Variants in ZNF362 observed in about 807,000 individuals in gnomAD.
ZNF362 encodes the protein rotund homolog.
ZNF362 carries 11 observed loss-of-function variants against 42.9 expected under a neutral mutation model. That is an observed-to-expected ratio of 0.26 (90% CI 0.16 to 0.42). The LOEUF (loss-of-function observed/expected upper bound fraction) is 0.42, where lower values mean the gene tolerates loss of function less well. Among genes scored for constraint, ZNF362 ranks in the 20% least tolerant of loss-of-function variants. ZNF362 has a pLI of 1.00. For missense variants in ZNF362, 362 were observed against 576.2 expected (o/e 0.63, Z 3.81); for synonymous variants, 255 against 257.3 (o/e 0.99, Z 0.09).
the ZNF362 span, chr1:33,165,309 A>C: frequency 1.7e-6 from 1 of 599,810 alleles, no homozygotes; most frequent in East Asian, 3.1e-5. This position sits in a 1 kb window ranked among gnomAD's most constrained non-coding sequence, Gnocchi z 4.0. Flanking sequence ...CGGATGCCCT[A>C]CCCTCTTCCC....
chr1:33,154,720 C>A, the ZNF362 span, among the ~76,000 whole-genome samples: 9 of 151,706 alleles, frequency 5.9e-5, no homozygotes, highest in African/African-American at 2.2e-4. Flanking sequence ...ATCGCCTGAA[C>A]CCAGGAGGCA....
chr1:33,159,350 A>G, the ZNF362 span, among the ~76,000 whole-genome samples: 1 of 152,154 alleles, frequency 6.6e-6, no homozygotes, highest in East Asian at 1.9e-4. This position sits in a 1 kb window ranked among gnomAD's most constrained non-coding sequence, Gnocchi z 4.2. Context: ...TACAGAATAT[A>G]TTACATATAT....
chr1:33,263,545 G>A (rs1570382661), intron 1 of ZNF362, among the ~76,000 whole-genome samples: 1 of 152,072 alleles, frequency 6.6e-6, no homozygotes, highest in South Asian at 2.1e-4. Flanking sequence ...AGAGTAGCTG[G>A]GATTACAGGC....
the ZNF362 span, among the ~76,000 whole-genome samples, chr1:33,189,722 T>C: frequency 0.86 from 88,267 of 102,794 alleles, 39,257 homozygotes; most frequent in Admixed American, 0.88. Context: ...TATATATACA[T>C]ACACACATAC....
chr1:33,139,948 A>G, the ZNF362 span, among the ~76,000 whole-genome samples: 2 of 152,124 alleles, frequency 1.3e-5, no homozygotes, highest in Admixed American at 1.3e-4. Flanking sequence ...CTCTTCCGGG[A>G]GTGGTTCCTA....
the ZNF362 span, chr1:33,146,116 C>T: frequency 3.4e-5 from 9 of 264,746 alleles, no homozygotes; most frequent in East Asian, 1.1e-4. Flanking sequence ...ATGAATCTGG[C>T]GCTGGGAGTT....
intron 4 of ZNF362, among the ~76,000 whole-genome samples, chr1:33,277,601 G>A (rs187861029): frequency 6.6e-6 from 1 of 152,342 alleles, no homozygotes; most frequent in Non-Finnish European, 1.5e-5. Flanking sequence ...ACCTTCAGGA[G>A]TGTGGTGGCC....
intron 6 of ZNF362, among the ~76,000 whole-genome samples, chr1:33,291,413 C>T (rs1248932021): frequency 6.6e-6 from 1 of 152,132 alleles, no homozygotes; most frequent in African/African-American, 2.4e-5. Context: ...TGTTCTGTTC[C>T]ATTGGTCTAT....
At position 33,294,857 on chromosome 1, in the gene ZNF362, G is replaced by A; in HGVS notation, c.909-80G>A. ...AGGGTAGGGACCGAGAGGCTTAGGG[G>A]CCAGAGTAAGGACTTGGGAACTGGA... On this transcript the variant is annotated intron_variant, in intron 6 of 8. Coordinates refer to ENST00000539719, the MANE Select transcript of ZNF362 (RefSeq NM_152493.3). The surrounding 1 kb of genome is among the most constrained non-coding windows in gnomAD (Gnocchi z 4.2). 2.6e-6 allele frequency: 4 copies of A among 1,515,088 alleles called. No homozygotes were observed. The highest frequency in any genetic ancestry group is 3.7e-6 in the Non-Finnish European group (4 of 1,093,718). 93.9% of individuals were successfully genotyped at this position (1,515,088 alleles called of 1,614,324 possible).
At chr1:33,158,998 G>A in the ZNF362 span, among the ~76,000 whole-genome samples, 7 of 151,918 alleles carry the variant, frequency 4.6e-5, no homozygotes, top group Non-Finnish European at 7.4e-5. Flanking sequence ...CTGCCACCAC[G>A]CCCGGCTAAT....
At chr1:33,149,999 T>G in the ZNF362 span, among the ~76,000 whole-genome samples, 2,480 of 152,310 alleles carry the variant, frequency 0.016, 28 homozygotes, top group Non-Finnish European at 0.024. Flanking sequence ...ATCACCTGGC[T>G]CTGGGCTGGC....
the ZNF362 span, among the ~76,000 whole-genome samples, chr1:33,246,872 C>T: frequency 5.3e-5 from 8 of 152,314 alleles, no homozygotes; most frequent in Non-Finnish European, 7.3e-5. Context: ...CTGCCTGGCT[C>T]AAGCCAGACC....
the ZNF362 span, among the ~76,000 whole-genome samples, chr1:33,210,563 T>C: frequency 6.6e-6 from 1 of 152,108 alleles, no homozygotes; most frequent in East Asian, 1.9e-4. Context: ...GGAGTCTAAG[T>C]CTCTTTGTGG....
chr1:33,295,578 G>A lies in ZNF362; in HGVS notation c.1146+273G>A, dbSNP rs1646116755. ...AGGCCCTGGAGTACTCACAGCAGTG[G>A]CAGGAGGCTTTTCACCTGCTCCGCA... On this transcript the variant is annotated intron_variant, in intron 8 of 8. Transcript: ENST00000539719. 2.7e-5 allele frequency among the ~76,000 whole-genome samples: 4 copies of A among 150,846 alleles called. No homozygotes were observed. In the South Asian group the frequency reaches 8.5e-4, roughly 32 times the overall value.
At chr1:33,165,449 T>C in the ZNF362 span, 1 of 1,560,762 alleles carries the variant, frequency 6.4e-7, no homozygotes, top group Non-Finnish European at 8.7e-7. The surrounding 1 kb of genome is among the most constrained non-coding windows in gnomAD (Gnocchi z 4.0). Context: ...CGGCCCCACC[T>C]CCGCGCCCCG....
the ZNF362 span, among the ~76,000 whole-genome samples, chr1:33,233,096 T>C: frequency 2.6e-5 from 4 of 152,222 alleles, no homozygotes; most frequent in African/African-American, 9.6e-5. Context: ...AACTTCTTAA[T>C]GTGGCATTCA....
At chr1:33,259,777 C>T (rs1180622651) in intron 1 of ZNF362, among the ~76,000 whole-genome samples, 2 of 152,186 alleles carry the variant, frequency 1.3e-5, no homozygotes, top group African/African-American at 4.8e-5. Context: ...CTGAGTGCCT[C>T]CATGAGTCCC....
the ZNF362 span, among the ~76,000 whole-genome samples, chr1:33,141,561 T>C: frequency 1.3e-5 from 2 of 152,216 alleles, no homozygotes; most frequent in Non-Finnish European, 2.9e-5. Flanking sequence ...GCTTTGTGCC[T>C]CTGATGCCAG....
At chr1:33,143,553 C>T in the ZNF362 span, among the ~76,000 whole-genome samples, 5 of 152,306 alleles carry the variant, frequency 3.3e-5, no homozygotes, top group Admixed American at 2.6e-4. Context: ...TCCACCCACC[C>T]CTGCCAACAG....
Sources: gnomAD v4.1 joint callset for allele counts (sites outside exome capture counted in the v4.1 genomes callset) on GRCh38, gnomAD v4.1.1 for gene constraint, Gnocchi (gnomAD v3.1) non-coding constraint, MANE v1.5 for transcripts, NCBI Gene and HGNC (gene_info 2026-07-23, HGNC 2026-07-21) for gene names.